COL9A1: variants seen among roughly 807,000 people sequenced by gnomAD.
COL9A1 encodes collagen alpha-1(IX) chain.
A neutral mutation model predicts 142.6 loss-of-function variants in COL9A1; 104 were observed. The ratio of observed to expected loss-of-function variants is 0.73; its 90% CI spans 0.62 to 0.86. The LOEUF is 0.86. Ranked by LOEUF, COL9A1 falls within the 40% of genes least tolerant of loss-of-function variation. COL9A1 has a pLI of 0.00. For missense variants in COL9A1, 1,210 were observed against 1,176.6 expected (o/e 1.03, Z -0.42); for synonymous variants, 466 against 396.0 (o/e 1.18, Z -2.10).
chr6:70,280,103 T>C, intron 10 of COL9A1: 1 of 631,254 alleles, frequency 1.6e-6, no homozygotes, highest in Non-Finnish European at 2.9e-6. Flanking sequence ...AGAAGTATTA[T>C]TTAGTGTTAG....
At chr6:70,216,035 A>T, downstream of COL9A1, 1 of 152,414 alleles carries the variant, frequency 6.6e-6, no homozygotes, top group Non-Finnish European at 1.5e-5. Flanking sequence ...CACCTATAGA[A>T]CCAGTAGTTA....
At chr6:70,278,746 A>G (rs1049196479) in intron 10 of COL9A1, among the ~76,000 whole-genome samples, 2 of 152,258 alleles carry the variant, frequency 1.3e-5, no homozygotes, top group African/African-American at 2.4e-5. Flanking sequence ...CTGCAAATAT[A>G]GACAAAGAAA....
intron 28 of COL9A1, among the ~76,000 whole-genome samples, chr6:70,244,490 C>T (rs569745475): frequency 3.9e-5 from 6 of 152,298 alleles, no homozygotes; most frequent in Non-Finnish European, 5.9e-5. Flanking sequence ...TTCTCAAGTG[C>T]ATCATGATTG....
chr6:70,262,866 G>A (rs1771777955), intron 19 of COL9A1, among the ~76,000 whole-genome samples: 1 of 152,136 alleles, frequency 6.6e-6, no homozygotes, highest in Non-Finnish European at 1.5e-5. Context: ...TCCAATAAAT[G>A]ATATACCTAC....
chr6:70,221,152 G>A (rs1473897993), intron 37 of COL9A1, among the ~76,000 whole-genome samples: 3 of 151,698 alleles, frequency 2.0e-5, no homozygotes, highest in African/African-American at 7.3e-5. Flanking sequence ...ACCACTAGAG[G>A]GTAGTCATGT....
intron 24 of COL9A1, 157 bp from the exon 25 acceptor site, chr6:70,254,686 A>G (rs756275993): frequency 3.0e-5 from 14 of 464,950 alleles, no homozygotes; most frequent in Non-Finnish European, 5.8e-5. Flanking sequence ...GTGGGGGAGT[A>G]GGGTGGGAAA....
Position 70,281,444 on chromosome 6 carries a change from C to A in COL9A1, c.822G>T (p.Gln274His). The change falls in exon 8 of 38, where the codon CAG becomes CAT. Residue 274 changes from glutamine (Q) to histidine (H), a missense_variant. Physicochemically the swap from Gln to His is conservative, Grantham distance 24 (BLOSUM62 0). Transcript: ENST00000357250. ...GGGGGCCCGGAGGCCCGGGAGGACC[C>A]TGCTCACCCGGGGGACCTCTCTGGC... ...TTDERGPPGE[Q>H]GPPGPPGPPG... is the part of the protein sequence containing the mutation. 1.2e-6 allele frequency: 2 copies of A among 1,613,068 alleles called. No homozygotes were observed. Among genetic ancestry groups the A allele is most frequent in the Non-Finnish European group, 1.7e-6 (2 of 1,179,758 alleles).
intron 4 of COL9A1, among the ~76,000 whole-genome samples, chr6:70,297,491 C>G (rs967032122): frequency 2.6e-5 from 4 of 152,122 alleles, no homozygotes; most frequent in African/African-American, 9.7e-5. Flanking sequence ...CCTAAGACCA[C>G]TTAAAAGTCT....
Position 70,242,046 on chromosome 6 carries a change from A to G in COL9A1, c.1927-11T>C. 3 of 1,586,368 alleles carry G rather than the reference A, an allele frequency of 1.9e-6. No homozygotes were observed. The highest frequency in any genetic ancestry group is 2.6e-6 in the Non-Finnish European group (3 of 1,164,124). ...GCTACCCAGAGAACCCTGGAAAGCAAAAACAAAGTCCCCGGAGTTACTGTC... is the reference window on the plus strand; with the variant it reads ...GCTACCCAGAGAACCCTGGAAAGCAGAAACAAAGTCCCCGGAGTTACTGTC... On this transcript the variant is annotated splice_polypyrimidine_tract_variant and intron_variant, in intron 29 of 37. Transcript: ENST00000357250.
At chr6:70,281,272 G>T in intron 8 of COL9A1, 118 bp downstream of exon 8, 2 of 984,032 alleles carry the variant, frequency 2.0e-6, no homozygotes, top group Non-Finnish European at 3.0e-6. Context: ...AAGTGGGGTG[G>T]CAGGAAGGGG....
intron 20 of COL9A1, among the ~76,000 whole-genome samples, chr6:70,257,975 A>T (rs1229740739): frequency 2.7e-4 from 41 of 152,182 alleles, no homozygotes; most frequent in Non-Finnish European, 2.2e-4. Context: ...AATTTATATA[A>T]AGTAACCGGC....
chr6:70,298,628 G>A (rs1275319445), intron 4 of COL9A1, among the ~76,000 whole-genome samples: 1 of 152,108 alleles, frequency 6.6e-6, no homozygotes, highest in Admixed American at 6.6e-5. Flanking sequence ...AGGAGGTAAG[G>A]AAGCCACGTG....
Position 70,263,303 on chromosome 6 carries a change from G to GA in COL9A1, c.1342-7dup, listed in dbSNP as rs537445397. The GA allele has an allele frequency of 1.0e-4, 167 of 1,601,526 alleles. No individual in the cohort carries two copies. The African/African-American group carries it at 1.8e-3, about 17-fold the overall frequency. The stretch of plus-strand genomic sequence containing the variant: ...CCCTGGTCACCTTCTTCACCCTAAA[G>GA]AAAAAAAAGAAAAAAGAAAAGCACA... On this transcript the variant is annotated splice_region_variant and splice_polypyrimidine_tract_variant and intron_variant, in intron 18 of 37. Transcript: ENST00000357250.
intron 5 of COL9A1, among the ~76,000 whole-genome samples, chr6:70,290,086 T>C (rs940773641): frequency 6.6e-6 from 1 of 152,142 alleles, no homozygotes; most frequent in Non-Finnish European, 1.5e-5. Context: ...CTTTGGAATA[T>C]GCTCAGGTAA....
chr6:70,232,340 A>G (rs1380086028), intron 36 of COL9A1, among the ~76,000 whole-genome samples: 1 of 152,230 alleles, frequency 6.6e-6, no homozygotes, highest in Admixed American at 6.5e-5. Flanking sequence ...ATAGAAAAAG[A>G]TCAGTCCTAA....
At chr6:70,267,515 T>A (rs907604205) in intron 17 of COL9A1, among the ~76,000 whole-genome samples, 6 of 151,528 alleles carry the variant, frequency 4.0e-5, no homozygotes, top group African/African-American at 1.5e-4. Flanking sequence ...AGAGACAGCG[T>A]TTCTCCATGT....
At chr6:70,283,945 C>G in intron 5 of COL9A1, 125 bp from the exon 6 acceptor site, 1 of 755,440 alleles carries the variant, frequency 1.3e-6, no homozygotes. Context: ...GTTGAGCACA[C>G]TGGACCAGGA....
At chr6:70,299,010 T>C (rs962834832) in intron 4 of COL9A1, among the ~76,000 whole-genome samples, 6 of 152,170 alleles carry the variant, frequency 3.9e-5, no homozygotes, top group Admixed American at 3.3e-4. Context: ...GGATCCCTGA[T>C]TTAAGAAAAA....
intron 10 of COL9A1, chr6:70,279,664 A>AAAAAAAAC (rs1363840592): frequency 5.8e-6 from 1 of 173,522 alleles, no homozygotes; most frequent in Non-Finnish European, 1.2e-5. Context: ...AAAAAAAAAA[A>AAAAAAAAC]AAAAAACACA....
Sources: allele counts gnomAD v4.1 joint callset (sites outside exome capture counted in the v4.1 genomes callset), GRCh38; gene constraint gnomAD v4.1.1; transcripts MANE v1.5; gene names NCBI Gene and HGNC (gene_info 2026-07-23, HGNC 2026-07-21).